The following HFM1 variants were observed in gnomAD, a reference collection of about 807,000 sequenced individuals.
The protein encoded by HFM1 is helicase for meiosis 1, also known as probable ATP-dependent DNA helicase HFM1.
In HFM1, 169 loss-of-function variants were observed where a neutral mutation model predicts 192.1. That is an observed-to-expected ratio of 0.88 (90% CI 0.78 to 1.00). The LOEUF (loss-of-function observed/expected upper bound fraction) is 1.00. Ranked by LOEUF, HFM1 falls within the 50% of genes least tolerant of loss-of-function variation. The pLI is 0.00. For missense variants in HFM1, 1,661 were observed against 1,668.0 expected (o/e 1.00, Z 0.07); for synonymous variants, 525 against 537.8 (o/e 0.98, Z 0.33).
intron 25 of HFM1, among the ~76,000 whole-genome samples, chr1:91,317,324 G>T (rs1246496240): frequency 6.6e-6 from 1 of 152,184 alleles, no homozygotes; most frequent in South Asian, 2.1e-4. Context: ...TGAGGCAGGA[G>T]AATCGCTTGA....
chr1:91,317,646 T>C (rs1651459262), intron 25 of HFM1, among the ~76,000 whole-genome samples: 1 of 152,222 alleles, frequency 6.6e-6, no homozygotes, highest in African/African-American at 2.4e-5. Context: ...CCTATTTCCT[T>C]ACTCATATAT....
intron 3 of HFM1, 98 bp from the exon 4 acceptor site, chr1:91,394,500 T>A (rs1372307993): frequency 1.4e-6 from 1 of 730,994 alleles, no homozygotes; most frequent in Non-Finnish European, 2.2e-6. Context: ...AAGTTAAGTA[T>A]GAAAGCCAAA....
chr1:91,357,684 T>C (rs114333688), intron 13 of HFM1, among the ~76,000 whole-genome samples: 2 of 152,150 alleles, frequency 1.3e-5, no homozygotes, highest in African/African-American at 4.8e-5. Context: ...GCAGACAACA[T>C]TATCTTACAT....
intron 4 of HFM1, among the ~76,000 whole-genome samples, chr1:91,387,213 T>C (rs929658390): frequency 6.6e-6 from 1 of 152,184 alleles, no homozygotes. Context: ...GTCTTGTCTA[T>C]GAAATAGAAC....
At chr1:91,274,867 C>T in intron 32 of HFM1, 58 bp from the exon 33 acceptor site, 1 of 816,518 alleles carries the variant, frequency 1.2e-6, no homozygotes, top group Non-Finnish European at 2.0e-6. Context: ...ACTTGTAACA[C>T]ATGAGCCAAA....
At chr1:91,305,950 T>C (rs1405189170) in intron 30 of HFM1, among the ~76,000 whole-genome samples, 3 of 152,228 alleles carry the variant, frequency 2.0e-5, no homozygotes, top group African/African-American at 7.2e-5. Flanking sequence ...CAGAGCATTC[T>C]TGTAACATTC....
At position 91,319,297 on chromosome 1, in the gene HFM1, T is replaced by C. The variant is rs373767198; in HGVS notation, c.2676A>G (p.Thr892=). The C allele has an allele frequency of 6.2e-7, 1 of 1,608,756 alleles. No individual in the cohort carries two copies. Among genetic ancestry groups the C allele is most frequent in the East Asian group, 2.2e-5 (1 of 44,796 alleles). Residue 892 remains threonine (T), a synonymous_variant, in exon 24 of 39, where the codon ACA becomes ACG. Transcript: ENST00000370425. ...TCCACTAATCCTGTAACATACATCT[T>C]GTAATTCGGGAGCCATGTCTGAAAA... ...AKIFRHGSRI[T]RWLSDFVAAQ...
intron 1 of HFM1, among the ~76,000 whole-genome samples, chr1:91,401,756 TTA>T (rs1361441140): frequency 1.3e-5 from 2 of 152,204 alleles, no homozygotes; most frequent in Admixed American, 6.5e-5. Flanking sequence ...GCATATTTAT[TTA>T]TATGAGTTAA....
chr1:91,265,035 T>A (rs992802012), intron 36 of HFM1, among the ~76,000 whole-genome samples: 2 of 152,194 alleles, frequency 1.3e-5, no homozygotes, highest in African/African-American at 4.8e-5. Flanking sequence ...TCTGTTCCCA[T>A]CACTTCTGCT....
At chr1:91,295,751 T>A (rs1338447283) in intron 30 of HFM1, among the ~76,000 whole-genome samples, 1 of 152,198 alleles carries the variant, frequency 6.6e-6, no homozygotes, top group Non-Finnish European at 1.5e-5. Flanking sequence ...AAATTCATTA[T>A]GTTTTTATGG....
intron 23 of HFM1, among the ~76,000 whole-genome samples, chr1:91,320,359 A>G (rs1274900139): frequency 2.0e-5 from 3 of 152,206 alleles, no homozygotes; most frequent in Non-Finnish European, 2.9e-5. Context: ...TGGCTATGGT[A>G]TATGCTTCTG....
Position 91,378,500 on chromosome 1 carries a change from T to C in HFM1, c.1159-20A>G. The C allele has an allele frequency of 7.1e-7, 1 of 1,415,676 alleles. No individual in the cohort carries two copies. Among genetic ancestry groups the C allele is most frequent in the Non-Finnish European group, 1.0e-6 (1 of 1,004,424 alleles). 87.7% of individuals were successfully genotyped at this position (1,415,676 alleles called of 1,614,324 possible). On this transcript the variant is annotated intron_variant, in intron 9 of 38. Coordinates refer to ENST00000370425, the MANE Select transcript of HFM1 (RefSeq NM_001017975.6). The stretch of plus-strand genomic sequence containing the variant: ...TTTTTCCTAGAGAGAAAAAAAAGCA[T>C]ACAAGTAGTTTAATGTGATAAGGAA...
In HFM1 at chr1:91,316,150, A is replaced by T. The variant is rs570133605; in HGVS notation, c.2933T>A (p.Ile978Lys). The change falls in exon 27 of 39, where the codon ATA (isoleucine) becomes AAA (lysine). Residue 978 changes from isoleucine to lysine, a missense_variant. By Grantham distance (102) the Ile-to-Lys change is moderately radical. Coordinates refer to ENST00000370425, the MANE Select transcript of HFM1 (RefSeq NM_001017975.6). ...LNRHPPFGTQIKETVMYLPKY... is the reference protein window; with the variant it reads ...LNRHPPFGTQKKETVMYLPKY... ...TGGTAGATACATCACAGTTTCTTTT[A>T]TCTGGGTTCCAAAGGGGGGATGTCT... 4.4e-6 allele frequency: 7 copies of T among 1,593,026 alleles called. No individual in the cohort carries two copies. The South Asian group carries it at 7.9e-5, about 18-fold the overall frequency.
At chr1:91,393,473 A>G (rs1251394993) in intron 4 of HFM1, among the ~76,000 whole-genome samples, 5 of 152,178 alleles carry the variant, frequency 3.3e-5, no homozygotes, top group Non-Finnish European at 5.9e-5. Flanking sequence ...TCTTTAAATC[A>G]AAAAAGGGCA....
At chr1:91,404,158 T>C (rs891251358) in intron 1 of HFM1, among the ~76,000 whole-genome samples, 1 of 152,090 alleles carries the variant, frequency 6.6e-6, no homozygotes, top group Non-Finnish European at 1.5e-5. Context: ...GAAAGGACCA[T>C]ACAATTGTCG....
At chr1:91,366,949 CAGG>C (rs1051228003) in intron 13 of HFM1, among the ~76,000 whole-genome samples, 1 of 152,202 alleles carries the variant, frequency 6.6e-6, no homozygotes, top group African/African-American at 2.4e-5. Context: ...AACGGCACAC[CAGG>C]AGATTATATC....
chr1:91,350,842 T>C lies in HFM1; in HGVS notation c.2102A>G (p.Asn701Ser). ...SLHRHLIEHL[N>S]AEIVLHTITD... is the part of the protein sequence containing the mutation. ...GATGGTATGCAGTACTATCTCTGCA[T>C]TTAAATGTTCAATAAGATGTCTGTG... The change falls in exon 18 of 39, where the codon AAT becomes AGT. Residue 701 changes from asparagine to serine, a missense_variant. Coordinates refer to ENST00000370425, the MANE Select transcript of HFM1 (RefSeq NM_001017975.6). 1 of 1,590,550 alleles carries C rather than the reference T, an allele frequency of 6.3e-7. No individual in the cohort carries two copies. Among genetic ancestry groups the C allele is most frequent in the Non-Finnish European group, 8.6e-7 (1 of 1,163,158 alleles).
At chr1:91,313,283 C>G in intron 30 of HFM1, 66 bp downstream of exon 30, 1 of 916,528 alleles carries the variant, frequency 1.1e-6, no homozygotes, top group Non-Finnish European at 1.7e-6. Context: ...AGTACTATAA[C>G]ACTGATACTC....
intron 17 of HFM1, 152 bp from the exon 18 acceptor site, chr1:91,351,023 G>T: frequency 1.6e-6 from 1 of 613,130 alleles, no homozygotes; most frequent in Non-Finnish European, 2.6e-6. Flanking sequence ...ACCTTAAAAA[G>T]TCAGTTCAAC....
Sources: gnomAD v4.1 joint callset for allele counts (sites outside exome capture counted in the v4.1 genomes callset) on GRCh38, gnomAD v4.1.1 for gene constraint, MANE v1.5 for transcripts, NCBI Gene and HGNC (gene_info 2026-07-23, HGNC 2026-07-21) for gene names.